Variants in CDC5L observed in about 807,000 individuals in gnomAD.
The protein encoded by CDC5L is cell division cycle 5 like, also known as cell division cycle 5-like protein.
A neutral mutation model predicts 104.1 loss-of-function variants in CDC5L; 18 were observed. That is an observed-to-expected ratio of 0.17 (90% CI 0.12 to 0.26). The LOEUF is 0.26. CDC5L is among the 10% of genes least tolerant of loss of function. The pLI is 1.00. For missense variants in CDC5L, 673 were observed against 956.9 expected (o/e 0.70, Z 3.91); for synonymous variants, 331 against 322.7 (o/e 1.03, Z -0.28).
intron 14 of CDC5L, among the ~76,000 whole-genome samples, chr6:44,437,843 C>A (rs1302690369): frequency 1.3e-5 from 2 of 152,124 alleles, no homozygotes; most frequent in Non-Finnish European, 2.9e-5. Context: ...TTTTAAAAAG[C>A]ATTATATGTA....
At chr6:44,396,539 T>C (rs531381035) in intron 5 of CDC5L, 99 bp downstream of exon 5, 648 of 679,496 alleles carry the variant, frequency 9.5e-4, no homozygotes, top group Middle Eastern at 4.1e-3. Context: ...TTTTTTTTTT[T>C]CCCCTCTCCA....
chr6:44,392,470 T>G (rs140362842), intron 2 of CDC5L, among the ~76,000 whole-genome samples, 197 bp from the exon 3 acceptor site: 1 of 152,316 alleles, frequency 6.6e-6, no homozygotes, highest in Non-Finnish European at 1.5e-5. Flanking sequence ...TAATCTTGCA[T>G]AATTAAAATA....
rs1275002960 is a variant in CDC5L, at chr6:44,387,847, G to A, written c.24G>A (p.Gly8=). The A allele has an allele frequency of 7.0e-6, 11 of 1,567,456 alleles. No individual in the cohort carries two copies. Among genetic ancestry groups the A allele is most frequent in the African/African-American group, 1.4e-5 (1 of 73,756 alleles). The change falls in exon 1 of 16, where the codon GGG becomes GGA. Residue 8 remains glycine (G), a synonymous_variant. Coordinates refer to ENST00000371477, the MANE Select transcript of CDC5L (RefSeq NM_001253.4). The stretch of plus-strand genomic sequence containing the variant: ...AGATGCCTCGAATTATGATCAAGGG[G>A]GGCGTATGGAGGAATACCGAGGTAA... The part of the protein sequence containing the change: MPRIMIK[G]GVWRNTEDEI...
At position 44,404,010 on chromosome 6, in the gene CDC5L, T is replaced by C; in HGVS notation, c.741T>C (p.Leu247=). ...ADFRKLRQQD[L]DGELRSEKEG... ...TCAGGAAATTAAGACAACAGGATCT[T>C]GATGGGGAGCTAAGATCGTAAGTTG... The change falls in exon 6 of 16, where the codon CTT becomes CTC. Residue 247 remains leucine, a synonymous_variant. Transcript: ENST00000371477. 6.2e-7 allele frequency: 1 copy of C among 1,609,616 alleles called. No homozygotes were observed. The highest frequency in any genetic ancestry group is 8.5e-7 in the Non-Finnish European group (1 of 1,178,880).
intron 14 of CDC5L, among the ~76,000 whole-genome samples, chr6:44,434,042 T>G (rs966742449): frequency 6.6e-6 from 1 of 152,180 alleles, no homozygotes; most frequent in Non-Finnish European, 1.5e-5. Context: ...CACAGTACTT[T>G]GGAATACTCT....
At chr6:44,408,695 A>G in intron 8 of CDC5L, 63 bp downstream of exon 8, 1 of 1,235,892 alleles carries the variant, frequency 8.1e-7, no homozygotes. Context: ...AGTATCATGC[A>G]GGAGAACTAA....
chr6:44,416,105 T>G (rs1018097612), intron 8 of CDC5L, among the ~76,000 whole-genome samples: 1 of 152,194 alleles, frequency 6.6e-6, no homozygotes, highest in Admixed American at 6.5e-5. Context: ...TGGCCTCCTC[T>G]GATGTAGTCT....
At chr6:44,435,963 TAG>T (rs1792917685) in intron 14 of CDC5L, among the ~76,000 whole-genome samples, 1 of 151,942 alleles carries the variant, frequency 6.6e-6, no homozygotes, top group African/African-American at 2.4e-5. Flanking sequence ...TGTATTTTAG[TAG>T]AGACGGGTTT....
At chr6:44,390,419 G>C (rs372064728) in intron 2 of CDC5L, 48 bp downstream of exon 2, 271 of 1,169,828 alleles carry the variant, frequency 2.3e-4, no homozygotes, top group Non-Finnish European at 1.3e-4. Flanking sequence ...GCTTAATTAT[G>C]ATGATGGAAA....
At chr6:44,410,062 T>C (rs1468417162) in intron 8 of CDC5L, among the ~76,000 whole-genome samples, 1 of 152,136 alleles carries the variant, frequency 6.6e-6, no homozygotes, top group African/African-American at 2.4e-5. Context: ...ACTTCACATA[T>C]TTATCATTTT....
intron 9 of CDC5L, among the ~76,000 whole-genome samples, chr6:44,421,185 A>G (rs961406209): frequency 6.6e-6 from 1 of 152,162 alleles, no homozygotes; most frequent in African/African-American, 2.4e-5. Context: ...ATCCATCATA[A>G]TTTTTAATGC....
intron 8 of CDC5L, among the ~76,000 whole-genome samples, chr6:44,413,279 A>G (rs564015115): frequency 1.3e-5 from 2 of 152,270 alleles, no homozygotes; most frequent in South Asian, 4.1e-4. Flanking sequence ...TTCACTTTGC[A>G]TTATATCGTC....
chr6:44,390,950 TATATATTAAACATATTTA>T (rs1790566184), intron 2 of CDC5L, among the ~76,000 whole-genome samples: 1 of 139,112 alleles, frequency 7.2e-6, no homozygotes, highest in African/African-American at 2.6e-5. Flanking sequence ...TGTTATATAT[TATATATTAAACATATTTA>T]ATATGTTATA....
chr6:44,394,502 G>T (rs917694507), intron 4 of CDC5L, among the ~76,000 whole-genome samples: 7 of 152,116 alleles, frequency 4.6e-5, no homozygotes, highest in African/African-American at 7.2e-5. Flanking sequence ...ATTGAATCAG[G>T]AATTCCACAA....
chr6:44,442,783 G>A lies in CDC5L; in HGVS notation c.2092-2872G>A, dbSNP rs191707265. ...ATGACAATGTATATACCATGCCCTGGCCTGGATAAGGGGTTAATATCCAAA... is the reference window on the plus strand; with the variant it reads ...ATGACAATGTATATACCATGCCCTGACCTGGATAAGGGGTTAATATCCAAA... On this transcript the variant is annotated intron_variant, in intron 14 of 15. Transcript: ENST00000371477. 1.1e-4 allele frequency among the ~76,000 whole-genome samples: 16 copies of A among 152,138 alleles called. No homozygotes were observed. In the East Asian group the frequency reaches 3.1e-3, roughly 29 times the overall value.
Position 44,393,493 on chromosome 6 carries a change from C to T in CDC5L, c.359C>T (p.Pro120Leu). The T allele has an allele frequency of 6.2e-7, 1 of 1,613,824 alleles. No individual in the cohort carries two copies. Residue 120 changes from proline to leucine, a missense_variant, in exon 4 of 16, where the codon CCA (proline) becomes CTA (leucine). Physicochemically the swap from Pro to Leu is moderately conservative, Grantham distance 98 (BLOSUM62 -3). Transcript: ENST00000371477. ...AATGAAGAGGAAACAACAGATGATC[C>T]ACGAAAACTTAAACCTGGAGAAATA... ...RDNEEETTDDPRKLKPGEIDP... is the reference protein window; with the variant it reads ...RDNEEETTDDLRKLKPGEIDP...
chr6:44,394,366 C>A lies in CDC5L; in HGVS notation c.439+793C>A, dbSNP rs866568252. Among the ~76,000 whole-genome samples, 5 of 152,156 alleles carry A rather than the reference C, an allele frequency of 3.3e-5. No homozygotes were observed. In the South Asian group the frequency reaches 8.3e-4, roughly 25 times the overall value. The stretch of plus-strand genomic sequence containing the variant: ...ATTCCTATTCCATGGAGAGAGACAT[C>A]AAGTCAGAATATTGGACCTCAGTCC... On this transcript the variant is annotated intron_variant, in intron 4 of 15. Coordinates refer to ENST00000371477, the MANE Select transcript of CDC5L (RefSeq NM_001253.4).
intron 8 of CDC5L, among the ~76,000 whole-genome samples, chr6:44,416,343 T>C (rs1035366634): frequency 6.6e-6 from 1 of 152,160 alleles, no homozygotes; most frequent in Non-Finnish European, 1.5e-5. Context: ...GGAGGGTTGT[T>C]GACTCTTTGT....
chr6:44,438,665 C>G (rs935124365), intron 14 of CDC5L, among the ~76,000 whole-genome samples: 1 of 106,286 alleles, frequency 9.4e-6, no homozygotes, highest in Non-Finnish European at 2.0e-5. Flanking sequence ...GAAGTTTTGT[C>G]TTTTTTTTTT....
Sources: allele counts gnomAD v4.1 joint callset (sites outside exome capture counted in the v4.1 genomes callset), GRCh38; gene constraint gnomAD v4.1.1; transcripts MANE v1.5; gene names NCBI Gene and HGNC (gene_info 2026-07-23, HGNC 2026-07-21).